Variants in SS18L1 observed in about 807,000 individuals in gnomAD.
SS18L1 encodes the protein calcium-responsive transactivator.
A neutral mutation model predicts 70.3 loss-of-function variants in SS18L1; 32 were observed. That is an observed-to-expected ratio of 0.46 (90% CI 0.34 to 0.61). SS18L1 has a LOEUF of 0.61. SS18L1 is among the 20% of genes least tolerant of loss of function. The pLI is 0.01. For synonymous variants in SS18L1, 237 were observed against 229.7 expected (o/e 1.03, Z -0.29); for missense variants, 430 against 542.1 (o/e 0.79, Z 2.05).
Position 62,174,666 on chromosome 20 carries a change from A to C in SS18L1, c.1164+22A>C. On this transcript the variant is annotated intron_variant, in intron 10 of 10. Transcript: ENST00000331758. This position sits in a 1 kb window ranked among gnomAD's most constrained non-coding sequence, Gnocchi z 4.1. ...ACAGGCAAGCTTTCTGGATGTTTCC[A>C]GATGTGCCCATCCGCCGCGCCTGTC... 1 of 1,613,254 alleles carries C rather than the reference A, an allele frequency of 6.2e-7. No homozygotes were observed. Among genetic ancestry groups the C allele is most frequent in the Non-Finnish European group, 8.5e-7 (1 of 1,180,002 alleles).
intron 8 of SS18L1, among the ~76,000 whole-genome samples, chr20:62,166,055 G>A (rs2057424390): frequency 6.6e-6 from 1 of 152,240 alleles, no homozygotes; most frequent in Non-Finnish European, 1.5e-5. Flanking sequence ...CGTGTCGGGT[G>A]GACTTGCCCC....
At position 62,161,683 on chromosome 20, in the gene SS18L1, G is replaced by A. The variant is rs533380625; in HGVS notation, c.376+103G>A. On this transcript the variant is annotated intron_variant, in intron 4 of 10. Transcript: ENST00000331758. This position sits in a 1 kb window ranked among gnomAD's most constrained non-coding sequence, Gnocchi z 4.4. ...GGGGCACCCCACCCCTCACAGGGCTGGGCATGGGACCCACTCCTCCTGGGG... is the reference window on the plus strand; with the variant it reads ...GGGGCACCCCACCCCTCACAGGGCTAGGCATGGGACCCACTCCTCCTGGGG... The A allele has an allele frequency of 6.8e-7, 1 of 1,469,732 alleles. No individual in the cohort carries two copies. Among genetic ancestry groups the A allele is most frequent in the Non-Finnish European group, 9.1e-7 (1 of 1,103,240 alleles). The allele number at this position is 1,469,732 out of a possible 1,614,324, so 91.0% of individuals were successfully genotyped here. A position where few individuals can be genotyped will look rare whatever the true frequency, so the allele number is the denominator to read the frequency against.
chr20:62,147,578 G>A (rs1195057446), intron 1 of SS18L1, among the ~76,000 whole-genome samples: 1 of 152,132 alleles, frequency 6.6e-6, no homozygotes, highest in African/African-American at 2.4e-5. Flanking sequence ...TTTTCTCATT[G>A]GTTTCCTTGG....
chr20:62,161,575 G>C lies in SS18L1; in HGVS notation c.371G>C (p.Gly124Ala). ...TCCTCCCTCCTGCAGGGCCAGATTG[G>C]CAACGGTGAGTGCGGCGGGGGAGGA... ...PPSSLLQGQI[G>A]NGPSHVSMQQ... The change falls in exon 4 of 11, where the codon GGC (glycine) becomes GCC (alanine). Residue 124 changes from glycine to alanine, a missense_variant. Transcript: ENST00000331758. The surrounding 1 kb of genome is among the most constrained non-coding windows in gnomAD (Gnocchi z 4.4). The C allele has an allele frequency of 6.2e-7, 1 of 1,607,524 alleles. No individual in the cohort carries two copies. Among genetic ancestry groups the C allele is most frequent in the Non-Finnish European group, 8.5e-7 (1 of 1,175,644 alleles).
chr20:62,157,788 T>C (rs1377998496), intron 1 of SS18L1, among the ~76,000 whole-genome samples: 3 of 152,152 alleles, frequency 2.0e-5, no homozygotes, highest in Admixed American at 1.3e-4. Context: ...GCAGCACCCC[T>C]GGGGGTGAGG....
Position 62,174,391 on chromosome 20 carries a change from G to T in SS18L1, c.1037-126G>T. 2 of 1,441,466 alleles carry T rather than the reference G, an allele frequency of 1.4e-6. No individual in the cohort carries two copies. The highest frequency in any genetic ancestry group is 1.4e-5 in the South Asian group (1 of 69,062). 89.3% of individuals were successfully genotyped at this position (1,441,466 alleles called of 1,614,324 possible). ...CAGGTGTTCTGGAGATTGACAAAAG[G>T]CTGATGCATTGAGACGGGAATTTTT... On this transcript the variant is annotated intron_variant, in intron 9 of 10. Transcript: ENST00000331758. The surrounding 1 kb of genome is among the most constrained non-coding windows in gnomAD (Gnocchi z 4.1).
chr20:62,176,242 T>C (rs1228023379), intron 10 of SS18L1, among the ~76,000 whole-genome samples: 7 of 152,198 alleles, frequency 4.6e-5, no homozygotes, highest in Admixed American at 3.9e-4. Context: ...CCGTGACCGG[T>C]CGTGGTGGCC....
At chr20:62,175,374 T>C in intron 10 of SS18L1, 1 of 985,250 alleles carries the variant, frequency 1.0e-6, no homozygotes, top group Non-Finnish European at 1.2e-6. Flanking sequence ...ATGGGGCCCC[T>C]GGAGGAGGAC....
At chr20:62,145,243 G>A (rs1001006601) in intron 1 of SS18L1, among the ~76,000 whole-genome samples, 2 of 152,226 alleles carry the variant, frequency 1.3e-5, no homozygotes, top group Non-Finnish European at 2.9e-5. Flanking sequence ...AGAAGCTACT[G>A]GCATCCCGTT....
rs147777670 is a variant in SS18L1 at position 62,180,899 on chromosome 20, AAAAT to A, written c.*1714_*1717del. The A allele has an allele frequency of 2.4e-3, 416 of 171,164 alleles. 1 individual carries two copies. The highest frequency in any genetic ancestry group is 6.4e-3 in the East Asian group (59 of 9,190). The allele number at this position is 171,164 out of a possible 1,614,324, so 10.6% of individuals were successfully genotyped here. On this transcript the variant is annotated 3_prime_UTR_variant, in exon 11 of 11. Coordinates refer to ENST00000331758, the MANE Select transcript of SS18L1 (RefSeq NM_198935.3). ...AACAAGAGTGAAATTCCGTCTCAAA[AAAAT>A]AAATAAATAAATAAATAAATAAGTT... is the stretch of plus-strand genomic sequence containing the variant.
intron 1 of SS18L1, chr20:62,154,423 T>G: frequency 4.8e-6 from 5 of 1,042,388 alleles, no homozygotes; most frequent in Non-Finnish European, 5.8e-6. Flanking sequence ...TACGCAGAAG[T>G]CTCCCTCAGG....
At position 62,153,798 on chromosome 20, in the gene SS18L1, T is replaced by C. The variant is rs144879297; in HGVS notation, c.70-4874T>C. On this transcript the variant is annotated intron_variant, in intron 1 of 10. Coordinates refer to ENST00000331758, the MANE Select transcript of SS18L1 (RefSeq NM_198935.3). ...CCGAATTCCTTTGGCTTCTCTTGGG[T>C]TGGGTCTTGGGTCTTCTCCTGGGAT... 1.6e-4 allele frequency among the ~76,000 whole-genome samples: 24 copies of C among 152,318 alleles called. 1 individual carries two copies. In the East Asian group the frequency reaches 4.4e-3, roughly 28 times the overall value.
At chr20:62,146,546 C>T (rs766157096) in intron 1 of SS18L1, among the ~76,000 whole-genome samples, 1 of 150,216 alleles carries the variant, frequency 6.7e-6, no homozygotes, top group Non-Finnish European at 1.5e-5. Context: ...CTGATGACTG[C>T]GGGCAGCCCT....
At position 62,181,768 on chromosome 20, in the gene SS18L1, T is replaced by C. The variant is rs530005932; in HGVS notation, c.*2560T>C. ...GCAGTTCCTTTTCATTATTCTATCT[T>C]CTGTCATATGAATGTTGAGCAAAGC... On this transcript the variant is annotated 3_prime_UTR_variant, in exon 11 of 11. Coordinates refer to ENST00000331758, the MANE Select transcript of SS18L1 (RefSeq NM_198935.3). The C allele has an allele frequency of 2.5e-4, 56 of 225,738 alleles. No homozygotes were observed. The highest frequency in any genetic ancestry group is 1.1e-3 in the Admixed American group (20 of 17,542). The allele number at this position is 225,738 out of a possible 1,614,324, so 14.0% of individuals were successfully genotyped here. A position where few individuals can be genotyped will look rare whatever the true frequency, so the allele number is the denominator to read the frequency against.
chr20:62,166,296 G>A (rs1275906655), intron 8 of SS18L1, among the ~76,000 whole-genome samples: 2 of 152,238 alleles, frequency 1.3e-5, no homozygotes, highest in Admixed American at 6.5e-5. Context: ...GACGCTGACC[G>A]GCAGGCAGCA....
intron 1 of SS18L1, among the ~76,000 whole-genome samples, chr20:62,150,470 A>G (rs2057106612): frequency 6.6e-6 from 1 of 152,150 alleles, no homozygotes; most frequent in South Asian, 2.1e-4. Context: ...ACTCCTAGGA[A>G]TTGATTCTGC....
rs1335948363 is a variant in SS18L1 at position 62,159,991 on chromosome 20, TA to T, written c.231+31del. 6.3e-7 allele frequency: 1 copy of T among 1,595,264 alleles called. No homozygotes were observed. The highest frequency in any genetic ancestry group is 8.5e-7 in the Non-Finnish European group (1 of 1,170,684). On this transcript the variant is annotated intron_variant, in intron 3 of 10. Transcript: ENST00000331758. The surrounding 1 kb of genome is among the most constrained non-coding windows in gnomAD (Gnocchi z 4.4). The stretch of plus-strand genomic sequence containing the variant: ...GTACCCACGGGGGGTTGGCCTCCTT[TA>T]CCCAGCAAGGACTCCGACACTGCCT...
At chr20:62,163,085 G>A (rs989706143) in intron 5 of SS18L1, among the ~76,000 whole-genome samples, 154 bp downstream of exon 5, 1 of 152,190 alleles carries the variant, frequency 6.6e-6, no homozygotes, top group Admixed American at 6.5e-5. Flanking sequence ...CTGCCTCTGA[G>A]AGCTTCCGGA....
chr20:62,161,311 C>A lies in SS18L1; in HGVS notation c.232-125C>A. ...TGTGACGATGGCTGCTGATTACGAACATTGACCAGGTGGCCATGATGTGTG... is the reference window on the plus strand; with the variant it reads ...TGTGACGATGGCTGCTGATTACGAAAATTGACCAGGTGGCCATGATGTGTG... On this transcript the variant is annotated intron_variant, in intron 3 of 10. Transcript: ENST00000331758. This position sits in a 1 kb window ranked among gnomAD's most constrained non-coding sequence, Gnocchi z 4.4. The A allele has an allele frequency of 7.3e-7, 1 of 1,371,050 alleles. No homozygotes were observed. The highest frequency in any genetic ancestry group is 1.0e-6 in the Non-Finnish European group (1 of 972,834). 84.9% of individuals were successfully genotyped at this position (1,371,050 alleles called of 1,614,324 possible). A position where few individuals can be genotyped will look rare whatever the true frequency, so the allele number is the denominator to read the frequency against.
Sources: gnomAD v4.1 joint callset for allele counts (sites outside exome capture counted in the v4.1 genomes callset) on GRCh38, gnomAD v4.1.1 for gene constraint, Gnocchi (gnomAD v3.1) non-coding constraint, MANE v1.5 for transcripts, NCBI Gene and HGNC (gene_info 2026-07-23, HGNC 2026-07-21) for gene names.